ERC2: variants seen among roughly 807,000 people sequenced by gnomAD.
ERC2 encodes the protein ELKS/RAB6-interacting/CAST family member 2.
In ERC2, 42 loss-of-function variants were observed where a neutral mutation model predicts 114.8. The observed-to-expected ratio is 0.37, with a 90% CI of 0.29 to 0.47. ERC2 has a LOEUF of 0.47. ERC2 is among the 20% of genes least tolerant of loss of function. ERC2 has a pLI of 0.99. For missense variants in ERC2, 939 were observed against 1,150.7 expected, an observed-to-expected ratio of 0.82 and a Z score of 2.66; for synonymous variants, 454 against 425.5, an observed-to-expected ratio of 1.07 and a Z score of -0.82.
At chr3:55,560,986 G>C (rs1328964493) in intron 17 of ERC2, among the ~76,000 whole-genome samples, 1 of 151,934 alleles carries the variant, frequency 6.6e-6, no homozygotes, top group Non-Finnish European at 1.5e-5. Flanking sequence ...CGGCCTTTTT[G>C]GGGAGGGCCC....
intron 2 of ERC2, among the ~76,000 whole-genome samples, chr3:56,428,570 A>AGGGGGAGGGAGGGC (rs1330823702): frequency 8.9e-6 from 1 of 111,852 alleles, no homozygotes; most frequent in Admixed American, 1.0e-4. Context: ...GGAGGGAGGG[A>AGGGGGAGGGAGGGC]GGGGAGAAAA....
intron 1 of ERC2, among the ~76,000 whole-genome samples, chr3:56,453,601 C>G (rs2062922357): frequency 6.6e-6 from 1 of 152,204 alleles, no homozygotes; most frequent in African/African-American, 2.4e-5. Flanking sequence ...ATCATCCATT[C>G]CATGACAGAA....
At chr3:55,798,119 T>A (rs1255399866) in intron 14 of ERC2, among the ~76,000 whole-genome samples, 1 of 151,932 alleles carries the variant, frequency 6.6e-6, no homozygotes, top group African/African-American at 2.4e-5. Context: ...TTAGAGCCCA[T>A]AAAGAGAGAC....
At chr3:55,779,789 T>C (rs1440174125) in intron 14 of ERC2, among the ~76,000 whole-genome samples, 1 of 152,114 alleles carries the variant, frequency 6.6e-6, no homozygotes, top group Non-Finnish European at 1.5e-5. Flanking sequence ...ACATATGAGA[T>C]CATTCAAAGC....
chr3:56,000,790 T>C (rs1437031042), intron 10 of ERC2, among the ~76,000 whole-genome samples: 1 of 151,698 alleles, frequency 6.6e-6, no homozygotes, highest in African/African-American at 2.4e-5. Context: ...CGGTGGCACA[T>C]GTTTGTAGTC....
intron 17 of ERC2, among the ~76,000 whole-genome samples, chr3:55,528,307 A>C (rs1482184251): frequency 6.6e-6 from 1 of 152,238 alleles, no homozygotes; most frequent in Non-Finnish European, 1.5e-5. Flanking sequence ...TAACAAGATG[A>C]AAAAGATTCT....
chr3:55,779,082 T>G (rs563285462), intron 14 of ERC2, among the ~76,000 whole-genome samples: 2 of 151,370 alleles, frequency 1.3e-5, no homozygotes, highest in South Asian at 4.2e-4. Flanking sequence ...AAAAAAAAAA[T>G]GTTGCCAAAA....
chr3:55,897,720 C>T (rs545948428), intron 13 of ERC2, among the ~76,000 whole-genome samples: 1 of 152,312 alleles, frequency 6.6e-6, no homozygotes, highest in Non-Finnish European at 1.5e-5. Flanking sequence ...CCTGTTAAAA[C>T]AAGGACTACT....
At chr3:56,174,618 C>A (rs780897872) in intron 3 of ERC2, among the ~76,000 whole-genome samples, 11 of 152,142 alleles carry the variant, frequency 7.2e-5, no homozygotes, top group Non-Finnish European at 1.6e-4. Context: ...TAGCTTTCTG[C>A]AAGTAAAGGC....
At chr3:56,322,457 G>A (rs887892550) in intron 2 of ERC2, among the ~76,000 whole-genome samples, 17 of 152,270 alleles carry the variant, frequency 1.1e-4, no homozygotes, top group Admixed American at 3.3e-4. Flanking sequence ...TGAGGTTTAT[G>A]AGTTCCAAGT....
chr3:56,326,561 C>A (rs1034364352), intron 2 of ERC2, among the ~76,000 whole-genome samples: 9 of 152,234 alleles, frequency 5.9e-5, no homozygotes, highest in African/African-American at 1.9e-4. Flanking sequence ...TAATCCTGTA[C>A]ATGCAGGTGT....
At chr3:56,002,397 A>C (rs1274653329) in intron 10 of ERC2, among the ~76,000 whole-genome samples, 2 of 152,160 alleles carry the variant, frequency 1.3e-5, no homozygotes, top group African/African-American at 4.8e-5. Flanking sequence ...CTGAACAAAA[A>C]AGCTTTTCTT....
At chr3:55,692,518 G>A (rs2148806908) in intron 16 of ERC2, among the ~76,000 whole-genome samples, 1 of 152,314 alleles carries the variant, frequency 6.6e-6, no homozygotes, top group South Asian at 2.1e-4. Flanking sequence ...ATAGGATGCT[G>A]ACTAATTCTA....
intron 3 of ERC2, 114 bp downstream of exon 3, chr3:56,295,905 T>C (rs1560539668): frequency 1.7e-6 from 2 of 1,195,044 alleles, no homozygotes; most frequent in Non-Finnish European, 1.1e-6. Flanking sequence ...ATAAAGCAGA[T>C]GACAAAGGGA....
intron 14 of ERC2, among the ~76,000 whole-genome samples, chr3:55,855,832 T>C (rs954044789): frequency 1.7e-4 from 26 of 152,230 alleles, no homozygotes; most frequent in African/African-American, 6.0e-4. Flanking sequence ...ATACTTTCTT[T>C]GTTGAAATAT....
chr3:55,842,206 T>C (rs1185294881), intron 14 of ERC2, among the ~76,000 whole-genome samples: 2 of 152,096 alleles, frequency 1.3e-5, no homozygotes, highest in Non-Finnish European at 2.9e-5. Context: ...GAAGTCAAAC[T>C]CAGGTTGGCT....
intron 14 of ERC2, among the ~76,000 whole-genome samples, chr3:55,876,657 G>C (rs997669970): frequency 6.6e-6 from 1 of 152,190 alleles, no homozygotes; most frequent in Non-Finnish European, 1.5e-5. Context: ...TCAATTTATA[G>C]CTGGGCACAC....
At chr3:55,814,821 T>C (rs574283350) in intron 14 of ERC2, among the ~76,000 whole-genome samples, 1 of 152,332 alleles carries the variant, frequency 6.6e-6, no homozygotes, top group South Asian at 2.1e-4. Context: ...TGGAACTCAA[T>C]GGATACCATG....
chr3:55,699,370 A>G lies in ERC2; in HGVS notation c.2847+8T>C, dbSNP rs2063105785. The G allele has an allele frequency of 6.2e-7, 1 of 1,613,714 alleles. No individual in the cohort carries two copies. On this transcript the variant is annotated splice_region_variant and intron_variant, in intron 16 of 17. Transcript: ENST00000288221. The stretch of plus-strand genomic sequence containing the variant: ...GGGGTCTTGGAGGTAAGCAGCGATG[A>G]AACTGACCTGGTCCGGAGAGGGCCT...
Sources: allele counts gnomAD v4.1 joint callset (sites outside exome capture counted in the v4.1 genomes callset), GRCh38; gene constraint gnomAD v4.1.1; transcripts MANE v1.5; gene names NCBI Gene and HGNC (gene_info 2026-07-23, HGNC 2026-07-21).